C1orf146: variants seen among roughly 807,000 people sequenced by gnomAD.
C1orf146 encodes protein SPO16 homolog.
In C1orf146, 22 loss-of-function variants were observed where a neutral mutation model predicts 23.0. That is an observed-to-expected ratio of 0.96 (90% CI 0.68 to 1.36). The LOEUF is 1.36. C1orf146 is among the 40% of genes most tolerant of loss of function. The pLI is 0.00. For synonymous variants in C1orf146, 59 were observed against 65.3 expected (o/e 0.90, Z 0.47); for missense variants, 199 against 206.8 (o/e 0.96, Z 0.23).
At chr1:92,232,777 C>T (rs1343822961) in intron 2 of C1orf146, among the ~76,000 whole-genome samples, 1 of 151,352 alleles carries the variant, frequency 6.6e-6, no homozygotes, top group Non-Finnish European at 1.5e-5. Flanking sequence ...CCTGTTGTTT[C>T]CTGACTTTTT....
At chr1:92,220,123 C>G (rs1651785120) in intron 1 of C1orf146, among the ~76,000 whole-genome samples, 1 of 152,100 alleles carries the variant, frequency 6.6e-6, no homozygotes, top group Non-Finnish European at 1.5e-5. Flanking sequence ...TTTGGCACTA[C>G]TCTGGACTCA....
intron 1 of C1orf146, chr1:92,229,539 T>C: frequency 2.5e-6 from 1 of 396,028 alleles, no homozygotes; most frequent in South Asian, 2.1e-5. Flanking sequence ...TAACTTTTCT[T>C]GATTTGTGCT....
chr1:92,232,443 C>A lies in C1orf146; in HGVS notation c.66+957C>A, dbSNP rs548571840. On this transcript the variant is annotated intron_variant, in intron 2 of 5. Transcript: ENST00000370375. Reference sequence around the variant, plus strand: ...GTCCCTACAAAGGACATGAACTCATCATTTTTTGTGGCTGCATAGTATTCC... The same window carrying A: ...GTCCCTACAAAGGACATGAACTCATAATTTTTTGTGGCTGCATAGTATTCC... Among the ~76,000 whole-genome samples the A allele has an allele frequency of 3.3e-5, 5 of 152,216 alleles. No individual in the cohort carries two copies. The South Asian group carries it at 1.0e-3, about 32-fold the overall frequency.
chr1:92,219,602 T>C (rs916585488), intron 1 of C1orf146, among the ~76,000 whole-genome samples: 2 of 146,762 alleles, frequency 1.4e-5, no homozygotes, highest in Non-Finnish European at 3.0e-5. Flanking sequence ...CTCCTGGGTG[T>C]GCAGCCACAC....
chr1:92,231,243 A>G (rs1014711660), intron 1 of C1orf146, 139 bp from the exon 2 acceptor site: 41 of 542,688 alleles, frequency 7.6e-5, no homozygotes, highest in African/African-American at 7.2e-4. Context: ...GTATAACAAG[A>G]CAGATACTTT....
intron 1 of C1orf146, among the ~76,000 whole-genome samples, chr1:92,227,949 CT>C (rs1652009812): frequency 6.6e-6 from 1 of 151,828 alleles, no homozygotes; most frequent in Non-Finnish European, 1.5e-5. Flanking sequence ...GGAAAATTGA[CT>C]TGGCCACTCT....
At chr1:92,222,092 T>C (rs984068680) in intron 1 of C1orf146, among the ~76,000 whole-genome samples, 1 of 151,860 alleles carries the variant, frequency 6.6e-6, no homozygotes, top group Non-Finnish European at 1.5e-5. Flanking sequence ...ACAAAAAAAA[T>C]CAGCCAGGCG....
In C1orf146 at chr1:92,231,425, C is replaced by T. The variant is rs777869602; in HGVS notation, c.5C>T (p.Ala2Val). 2.5e-6 allele frequency: 4 copies of T among 1,608,840 alleles called. No individual in the cohort carries two copies. The South Asian group carries it at 3.3e-5, about 13-fold the overall frequency. The change falls in exon 2 of 6, where the codon GCT becomes GTT. Residue 2 changes from alanine (A) to valine (V), a missense_variant. Ala to Val is a moderately conservative substitution (Grantham distance 64, BLOSUM62 0). Coordinates refer to ENST00000370375, the MANE Select transcript of C1orf146 (RefSeq NM_001012425.2). The stretch of plus-strand genomic sequence containing the variant: ...GCTAGGTTGATCCACAGACAGATGG[C>T]TGAAAGTGGAAAAGAAAAAATAAAA... M[A>V]ESGKEKIKWT...
chr1:92,232,227 T>G (rs1000179844), intron 2 of C1orf146, among the ~76,000 whole-genome samples: 2 of 152,092 alleles, frequency 1.3e-5, no homozygotes, highest in South Asian at 4.2e-4. Flanking sequence ...TCATCTAGCA[T>G]TAGGTATATC....
chr1:92,233,176 T>C (rs1652177539), intron 2 of C1orf146, among the ~76,000 whole-genome samples: 7 of 152,238 alleles, frequency 4.6e-5, no homozygotes, highest in Admixed American at 4.6e-4. Flanking sequence ...AGACGTGAAG[T>C]CCTTGCCCAT....
chr1:92,244,402 TTATA>T lies in C1orf146; in HGVS notation c.329+18_329+21del, dbSNP rs1348340059. On this transcript the variant is annotated intron_variant, in intron 4 of 5. Coordinates refer to ENST00000370375, the MANE Select transcript of C1orf146 (RefSeq NM_001012425.2). ...TCAGCAGAGGTATGGAAGAATAGCA[TTATA>T]GACTTATTTTTCTTATATTGTATTT... is the stretch of plus-strand genomic sequence containing the variant. 1 of 1,540,638 alleles carries T rather than the reference TTATA, an allele frequency of 6.5e-7. No homozygotes were observed. Among genetic ancestry groups the T allele is most frequent in the East Asian group, 2.3e-5 (1 of 44,060 alleles).
chr1:92,237,831 G>A (rs1652334111), intron 2 of C1orf146, among the ~76,000 whole-genome samples: 1 of 152,132 alleles, frequency 6.6e-6, no homozygotes, highest in Non-Finnish European at 1.5e-5. Flanking sequence ...AAAGTTTCAT[G>A]TTGTCATTTT....
rs1651782113 is a variant in C1orf146 at position 92,220,064 on chromosome 1, C to A, written c.-40+2016C>A. Reference sequence around the variant, plus strand: ...TTATGACATGCCCCATCAATGCCATCTGTGTGGGGTTTTTTTGTTTGTTTG... The same window carrying A: ...TTATGACATGCCCCATCAATGCCATATGTGTGGGGTTTTTTTGTTTGTTTG... On this transcript the variant is annotated intron_variant, in intron 1 of 5. Coordinates refer to ENST00000370375, the MANE Select transcript of C1orf146 (RefSeq NM_001012425.2). Among the ~76,000 whole-genome samples, 4 of 152,240 alleles carry A rather than the reference C, an allele frequency of 2.6e-5. No homozygotes were observed. In the South Asian group the frequency reaches 8.3e-4, roughly 32 times the overall value.
At chr1:92,238,936 T>C (rs1557490943) in intron 2 of C1orf146, among the ~76,000 whole-genome samples, 1 of 152,236 alleles carries the variant, frequency 6.6e-6, no homozygotes, top group Admixed American at 6.5e-5. Context: ...ATTTTTTGTT[T>C]ATTTTTTAAT....
chr1:92,242,664 T>C (rs1570799078), intron 3 of C1orf146, among the ~76,000 whole-genome samples: 1 of 152,184 alleles, frequency 6.6e-6, no homozygotes, highest in East Asian at 1.9e-4. Flanking sequence ...AAAAATAGAA[T>C]GTTTTCCATT....
In C1orf146 at chr1:92,245,760, T is replaced by A; in HGVS notation, c.*86T>A. On this transcript the variant is annotated 3_prime_UTR_variant, in exon 6 of 6. Transcript: ENST00000370375. ...TATTCAAATATCTATTTAAAGACAT[T>A]TATATTAATTTGAAATAATAACATA... 1 of 809,074 alleles carries A rather than the reference T, an allele frequency of 1.2e-6. No individual in the cohort carries two copies. Among genetic ancestry groups the A allele is most frequent in the Non-Finnish European group, 1.8e-6 (1 of 545,736 alleles). 50.1% of individuals were successfully genotyped at this position (809,074 alleles called of 1,614,324 possible).
chr1:92,239,370 C>A (rs3131825), intron 2 of C1orf146, among the ~76,000 whole-genome samples: 1 of 152,166 alleles, frequency 6.6e-6, no homozygotes, highest in Non-Finnish European at 1.5e-5. Flanking sequence ...ATAGTGCTAT[C>A]TTCCCCTTGA....
intron 1 of C1orf146, among the ~76,000 whole-genome samples, chr1:92,221,361 GA>G (rs2100724662): frequency 6.6e-6 from 1 of 152,210 alleles, no homozygotes; most frequent in Admixed American, 6.6e-5. Flanking sequence ...GATAAGGGCT[GA>G]AAAACTACCT....
chr1:92,227,217 C>T (rs1651989471), intron 1 of C1orf146, among the ~76,000 whole-genome samples: 2 of 152,048 alleles, frequency 1.3e-5, no homozygotes, highest in South Asian at 4.1e-4. Context: ...TTTGTGCTTC[C>T]ATGTGGGATC....
Sources: gnomAD v4.1 joint callset for allele counts (sites outside exome capture counted in the v4.1 genomes callset) on GRCh38, gnomAD v4.1.1 for gene constraint, MANE v1.5 for transcripts, NCBI Gene and HGNC (gene_info 2026-07-23, HGNC 2026-07-21) for gene names.